The following KCNN2 variants were observed in gnomAD, a reference collection of about 807,000 sequenced individuals.
KCNN2 encodes the protein small conductance calcium-activated potassium channel protein 2.
KCNN2 carries 24 observed loss-of-function variants against 55.5 expected under a neutral mutation model. That is an observed-to-expected ratio of 0.43 (90% CI 0.31 to 0.61). KCNN2 has a LOEUF of 0.61. Ranked by LOEUF, KCNN2 falls within the 20% of genes least tolerant of loss-of-function variation. The pLI is 0.08. For missense variants in KCNN2, 754 were observed against 853.6 expected, an observed-to-expected ratio of 0.88 and a Z score of 1.45; for synonymous variants, 431 against 336.1, an observed-to-expected ratio of 1.28 and a Z score of -3.09.
At chr5:114,441,093 A>G (rs1043471360) in intron 3 of KCNN2, among the ~76,000 whole-genome samples, 1 of 152,164 alleles carries the variant, frequency 6.6e-6, no homozygotes, top group African/African-American at 2.4e-5. Context: ...GTAGGAATAA[A>G]AAAAGATCAC....
chr5:114,260,560 G>A lies in KCNN2; in HGVS notation c.-185+38995G>A, dbSNP rs115309135. 5.3e-3 allele frequency among the ~76,000 whole-genome samples: 813 copies of A among 152,198 alleles called. 8 individuals carry two copies. The highest frequency in any genetic ancestry group is 0.019 in the African/African-American group (775 of 41,530). On this transcript the variant is annotated intron_variant, in intron 2 of 10. Coordinates refer to the KCNN2 transcript ENST00000512097. ...TAAAATCTTTTAGAGCAATGATCTCGAATATCTTGTCCCTGCTGTATCCCT... is the reference window on the plus strand; with the variant it reads ...TAAAATCTTTTAGAGCAATGATCTCAAATATCTTGTCCCTGCTGTATCCCT...
rs184595598 is a variant in KCNN2 at position 114,157,069 on chromosome 5, T to C, written c.-270-64411T>C. On this transcript the variant is annotated intron_variant, in intron 1 of 10. Transcript: ENST00000512097. Reference sequence around the variant, plus strand: ...GTGCACAATGTGCAGGTTTGTTACATATGTATACATGTGCCATGTTTGTGT... The same window carrying C: ...GTGCACAATGTGCAGGTTTGTTACACATGTATACATGTGCCATGTTTGTGT... Among the ~76,000 whole-genome samples, 447 of 152,100 alleles carry C rather than the reference T, an allele frequency of 2.9e-3. 3 individuals are homozygous for C. The highest frequency in any genetic ancestry group is 0.019 in the South Asian group (92 of 4,816).
At chr5:114,133,193 T>A (rs899967075) in intron 1 of KCNN2, among the ~76,000 whole-genome samples, 1 of 152,054 alleles carries the variant, frequency 6.6e-6, no homozygotes, top group Non-Finnish European at 1.5e-5. Flanking sequence ...TGGTTTCTGA[T>A]TCCCATCAGA....
intron 2 of KCNN2, among the ~76,000 whole-genome samples, chr5:114,280,230 T>C (rs527372658): frequency 6.6e-6 from 1 of 152,284 alleles, no homozygotes; most frequent in Non-Finnish European, 1.5e-5. Flanking sequence ...ATTGTAAAAA[T>C]TTTCTCCTAT....
chr5:114,428,238 AAG>A (rs1450089245), intron 3 of KCNN2, among the ~76,000 whole-genome samples: 2 of 152,152 alleles, frequency 1.3e-5, no homozygotes, highest in African/African-American at 4.8e-5. Flanking sequence ...CTGTTTTATG[AAG>A]AGTTTCTCAT....
intron 1 of KCNN2, 85 bp downstream of exon 1, chr5:114,363,346 G>C (rs1757503736): frequency 7.0e-7 from 1 of 1,426,802 alleles, no homozygotes; most frequent in Non-Finnish European, 9.2e-7. Context: ...TTTGCGTGCG[G>C]ATCCCTAGCC....
intron 1 of KCNN2, among the ~76,000 whole-genome samples, chr5:114,165,870 T>C (rs1752899796): frequency 6.6e-6 from 1 of 152,048 alleles, no homozygotes; most frequent in South Asian, 2.1e-4. Context: ...ATACATGGGT[T>C]TTTAACTGTG....
At chr5:114,392,216 A>G (rs766312524) in intron 2 of KCNN2, among the ~76,000 whole-genome samples, 14 of 152,194 alleles carry the variant, frequency 9.2e-5, no homozygotes, top group South Asian at 2.1e-4. Flanking sequence ...TATTATTAAA[A>G]TGACTTTCTG....
rs1751039732 is a variant in KCNN2, at chr5:114,087,428, T to C, written c.-271+30928T>C. Among the ~76,000 whole-genome samples the C allele has an allele frequency of 2.0e-5, 3 of 152,186 alleles. No individual in the cohort carries two copies. In the South Asian group the frequency reaches 6.2e-4, roughly 32 times the overall value. ...GTTTGATGTCTTACATTTAAGTCTT[T>C]AATCCATCATGAGTTAATTTTTGTA... On this transcript the variant is annotated intron_variant, in intron 1 of 10. Transcript: ENST00000512097.
chr5:114,291,740 G>C (rs564811718), intron 2 of KCNN2, among the ~76,000 whole-genome samples: 1 of 152,290 alleles, frequency 6.6e-6, no homozygotes, highest in South Asian at 2.1e-4. Context: ...GGTATTTCTA[G>C]TTCTAGATCC....
chr5:114,363,823 G>C (rs934413184), intron 1 of KCNN2, 83 bp from the exon 2 acceptor site: 2 of 932,488 alleles, frequency 2.1e-6, no homozygotes, highest in Non-Finnish European at 1.8e-6. Flanking sequence ...GTCCACCTGT[G>C]GGGGACTGAC....
chr5:114,492,480 A>G (rs560629067), intron 6 of KCNN2, among the ~76,000 whole-genome samples: 5 of 152,328 alleles, frequency 3.3e-5, no homozygotes, highest in African/African-American at 7.2e-5. Flanking sequence ...CTTAAGGAAC[A>G]ATAAACCACA....
At chr5:114,291,999 G>C (rs796753886) in intron 2 of KCNN2, among the ~76,000 whole-genome samples, 1 of 152,106 alleles carries the variant, frequency 6.6e-6, no homozygotes, top group South Asian at 2.1e-4. Flanking sequence ...CTTTTGAGAA[G>C]TGTCTGTTCA....
At chr5:114,280,782 T>C (rs1755608000) in intron 2 of KCNN2, among the ~76,000 whole-genome samples, 1 of 152,174 alleles carries the variant, frequency 6.6e-6, no homozygotes, top group South Asian at 2.1e-4. Context: ...AGTCAGATCT[T>C]ATTAATTCCA....
At chr5:114,083,843 C>A (rs1750956433) in intron 1 of KCNN2, among the ~76,000 whole-genome samples, 1 of 152,082 alleles carries the variant, frequency 6.6e-6, no homozygotes. Flanking sequence ...ACCTAGTCAT[C>A]CCTCTCTTCC....
chr5:114,177,387 T>C (rs1181482089), intron 1 of KCNN2, among the ~76,000 whole-genome samples: 1 of 152,130 alleles, frequency 6.6e-6, no homozygotes, highest in Admixed American at 6.5e-5. Context: ...TCCACCCGCC[T>C]TGGCCTCCCA....
At chr5:114,236,765 TGTATAA>T (rs1334318035) in intron 2 of KCNN2, among the ~76,000 whole-genome samples, 2 of 152,150 alleles carry the variant, frequency 1.3e-5, no homozygotes, top group African/African-American at 4.8e-5. Context: ...TTTCATTGCT[TGTATAA>T]GTATTATGTA....
chr5:114,087,788 G>A (rs2632122), intron 1 of KCNN2, among the ~76,000 whole-genome samples: 20,463 of 151,228 alleles, frequency 0.14, 1,446 homozygotes, highest in Middle Eastern at 0.16. Context: ...TTATTTTTTA[G>A]TGTTTGTTAT....
At chr5:114,126,889 C>T (rs1039955615) in intron 1 of KCNN2, among the ~76,000 whole-genome samples, 1 of 151,924 alleles carries the variant, frequency 6.6e-6, no homozygotes, top group Admixed American at 6.6e-5. Context: ...AGAAATTGGC[C>T]AAAACAAAGG....
Sources: gnomAD v4.1 joint callset for allele counts (sites outside exome capture counted in the v4.1 genomes callset) on GRCh38, gnomAD v4.1.1 for gene constraint, MANE v1.5 for transcripts, NCBI Gene and HGNC (gene_info 2026-07-23, HGNC 2026-07-21) for gene names.